The following RBM3 variants were observed in gnomAD, a reference collection of about 807,000 sequenced individuals.
RBM3 encodes RNA-binding protein 3.
Under a neutral mutation model 12.0 loss-of-function variants are expected in RBM3, and 3 were observed. That is an observed-to-expected ratio of 0.25 (90% CI 0.11 to 0.65). RBM3 has a LOEUF of 0.65. RBM3 is among the 30% of genes least tolerant of loss of function. RBM3 has a pLI of 0.84. For missense variants in RBM3, 108 were observed against 134.5 expected (o/e 0.80, Z 0.97); for synonymous variants, 58 against 45.7 (o/e 1.27, Z -1.08).
chrX:48,578,938 A>G lies in RBM3; in HGVS notation c.*1497A>G, dbSNP rs1381173525. 3 of 111,631 alleles carry G rather than the reference A, an allele frequency of 2.7e-5. No homozygotes were observed. Among genetic ancestry groups the G allele is most frequent in the African/African-American group, 9.8e-5 (3 of 30,717 alleles). 9.2% of individuals were successfully genotyped at this position (111,631 alleles called of 1,213,427 possible). On this transcript the variant is annotated 3_prime_UTR_variant, in exon 7 of 7. Coordinates refer to ENST00000376759, the MANE Select transcript of RBM3 (RefSeq NM_006743.5). ...GTAGGGGCTCTTCTACTTCCCAGGT[A>G]TTTGACCTCAGGTGAGTCATTTAAT... is the stretch of plus-strand genomic sequence containing the variant.
intron 5 of RBM3, among the ~76,000 whole-genome samples, 174 bp from the exon 6 acceptor site, chrX:48,576,852 T>C (rs782534952): frequency 8.9e-6 from 1 of 112,411 alleles, no homozygotes; most frequent in Non-Finnish European, 1.9e-5. Flanking sequence ...ATATACTGCG[T>C]ATAAATCGTA....
At position 48,574,993 on chromosome X, in the gene RBM3, C is replaced by T. The variant is rs782460198; in HGVS notation, c.-13-175C>T. The T allele has an allele frequency of 2.7e-4, 122 of 455,719 alleles. 1 individual carries two copies. In the East Asian group the frequency reaches 4.6e-3, roughly 17 times the overall value. The allele number at this position is 455,719 out of a possible 1,213,427, so 37.6% of individuals were successfully genotyped here. Reference sequence around the variant, plus strand: ...CCTAATGGTGGCTGCGCTGAGCCAGCTCCTCAGATTACCACCTTATTGGCC... The same window carrying T: ...CCTAATGGTGGCTGCGCTGAGCCAGTTCCTCAGATTACCACCTTATTGGCC... On this transcript the variant is annotated intron_variant, in intron 1 of 6. Coordinates refer to ENST00000376759, the MANE Select transcript of RBM3 (RefSeq NM_006743.5).
rs181031292 is a variant in RBM3 at position 48,579,390 on chromosome X, C to T, written c.*1949C>T. Among the ~76,000 whole-genome samples, 17 of 112,036 alleles carry T rather than the reference C, an allele frequency of 1.5e-4. No homozygotes were observed. Among genetic ancestry groups the T allele is most frequent in the Non-Finnish European group, 2.4e-4 (13 of 53,168 alleles). Reference sequence around the variant, plus strand: ...TCCTGGAGGCCTGCCTCCTGAGTTTCCCAGCTAGTTGGGACAGGCCCCAAT... The same window carrying T: ...TCCTGGAGGCCTGCCTCCTGAGTTTTCCAGCTAGTTGGGACAGGCCCCAAT... On this transcript the variant is annotated 3_prime_UTR_variant, in exon 7 of 7. Coordinates refer to ENST00000376759, the MANE Select transcript of RBM3 (RefSeq NM_006743.5).
Position 48,577,898 on chromosome X carries a change from T to G in RBM3, c.*457T>G. On this transcript the variant is annotated 3_prime_UTR_variant, in exon 7 of 7. Transcript: ENST00000376759. ...GTGCATCAAGCCAGCCTGACCAACATGGTGAAACCCCATCTGTACTAAACA... is the reference window on the plus strand; with the variant it reads ...GTGCATCAAGCCAGCCTGACCAACAGGGTGAAACCCCATCTGTACTAAACA... 1 of 126,550 alleles carries G rather than the reference T, an allele frequency of 7.9e-6. No individual in the cohort carries two copies. The highest frequency in any genetic ancestry group is 1.6e-5 in the Non-Finnish European group (1 of 62,366). 10.4% of individuals were successfully genotyped at this position (126,550 alleles called of 1,213,427 possible).
rs1335708905 is a variant in RBM3, at chrX:48,576,274, C to G, written c.211-40C>G. On this transcript the variant is annotated intron_variant, in intron 3 of 6. Coordinates refer to ENST00000376759, the MANE Select transcript of RBM3 (RefSeq NM_006743.5). ...TGCTCTTCCCTCACCATTGCCCTGA[C>G]TGACTGCCAACCCATCATCCTTGTG... 7.6e-6 allele frequency: 9 copies of G among 1,188,425 alleles called. No homozygotes were observed. In the Admixed American group the frequency reaches 2.2e-4, roughly 28 times the overall value.
chrX:48,576,785 A>G (rs2062082316), intron 5 of RBM3, among the ~76,000 whole-genome samples, 181 bp downstream of exon 5: 1 of 112,191 alleles, frequency 8.9e-6, no homozygotes, highest in South Asian at 3.6e-4. Flanking sequence ...AGTATACTAT[A>G]TATGTTGTGC....
chrX:48,575,436 T>C (rs2062076102), intron 2 of RBM3, 125 bp from the exon 3 acceptor site: 1 of 798,154 alleles, frequency 1.3e-6, no homozygotes, highest in Admixed American at 3.1e-5. Flanking sequence ...GGGAAGCGTC[T>C]TTGGGATTAG....
intron 1 of RBM3, chrX:48,574,879 AG>A: frequency 2.5e-6 from 1 of 394,602 alleles, no homozygotes; most frequent in South Asian, 2.6e-5. Flanking sequence ...GCCGGCGTTA[AG>A]GGAACGCAGG....
chrX:48,575,535 T>A lies in RBM3; in HGVS notation c.104-26T>A. ...CTTTGGGGTACTGACTGGTCCACAT[T>A]GCTCCATCTTCTCTCCCTCTCACAG... On this transcript the variant is annotated intron_variant, in intron 2 of 6. Coordinates refer to ENST00000376759, the MANE Select transcript of RBM3 (RefSeq NM_006743.5). 3 of 1,172,009 alleles carry A rather than the reference T, an allele frequency of 2.6e-6. No homozygotes were observed. The East Asian group carries it at 9.1e-5, about 36-fold the overall frequency.
chrX:48,575,775 C>A, intron 3 of RBM3, 108 bp downstream of exon 3: 2 of 747,790 alleles, frequency 2.7e-6, no homozygotes, highest in East Asian at 3.4e-5. Context: ...CCAAGCCCCG[C>A]AGTGCCCACT....
At position 48,577,857 on chromosome X, in the gene RBM3, T is replaced by C. The variant is rs782134647; in HGVS notation, c.*416T>C. 1 of 135,872 alleles carries C rather than the reference T, an allele frequency of 7.4e-6. No individual in the cohort carries two copies. The highest frequency in any genetic ancestry group is 2.4e-4 in the East Asian group (1 of 4,168). The allele number at this position is 135,872 out of a possible 1,213,427, so 11.2% of individuals were successfully genotyped here. On this transcript the variant is annotated 3_prime_UTR_variant, in exon 7 of 7. Coordinates refer to ENST00000376759, the MANE Select transcript of RBM3 (RefSeq NM_006743.5). Reference sequence around the variant, plus strand: ...TTGTGGTTAGGAAGCAATTTCCCAATGTACCTATAAGAAATGTGCATCAAG... The same window carrying C: ...TTGTGGTTAGGAAGCAATTTCCCAACGTACCTATAAGAAATGTGCATCAAG...
intron 2 of RBM3, 29 bp from the exon 3 acceptor site, chrX:48,575,525 TGGTCCAC>T: frequency 1.8e-6 from 2 of 1,134,733 alleles, no homozygotes; most frequent in East Asian, 6.1e-5. Flanking sequence ...GGGTACTGAC[TGGTCCAC>T]ATTGCTCCAT....
rs782547608 is a variant in RBM3, at chrX:48,574,512, CCT to C, written c.-74_-73del. The stretch of plus-strand genomic sequence containing the variant: ...AATCGTCTTCCGGCGCAGCCCCGTC[CCT>C]GTTTTTTGTGCTCCTCCGAGCTCGC... On this transcript the variant is annotated 5_prime_UTR_variant, in exon 1 of 7. Transcript: ENST00000376759. The C allele has an allele frequency of 3.3e-4, 108 of 329,934 alleles. No homozygotes were observed. The highest frequency in any genetic ancestry group is 2.3e-3 in the African/African-American group (89 of 37,954). 27.2% of individuals were successfully genotyped at this position (329,934 alleles called of 1,213,427 possible).
chrX:48,575,360 AAAAGTT>A, intron 2 of RBM3, 77 bp downstream of exon 2: 1 of 969,499 alleles, frequency 1.0e-6, no homozygotes, highest in Admixed American at 2.6e-5. Flanking sequence ...GTATTAACTG[AAAAGTT>A]AGGACCCACG....
intron 4 of RBM3, 26 bp downstream of exon 4, chrX:48,576,445 TG>T (rs782664692): frequency 8.3e-7 from 1 of 1,203,558 alleles, no homozygotes; most frequent in Non-Finnish European, 1.1e-6. Context: ...GTTTTGATCA[TG>T]GGGTGAGAGG....
chrX:48,576,032 C>T lies in RBM3; in HGVS notation c.211-282C>T, dbSNP rs782397230. 1.1e-3 allele frequency: 1,127 copies of T among 998,774 alleles called. 1 individual carries two copies. Among genetic ancestry groups the T allele is most frequent in the Non-Finnish European group, 1.4e-3 (1,082 of 751,269 alleles). The allele number at this position is 998,774 out of a possible 1,213,427, so 82.3% of individuals were successfully genotyped here. ...GAGGTGTCTGTCTAGCCCTGATAGT[C>T]GGGCAGCTTAGAGGAGTGGGGAGGA... On this transcript the variant is annotated intron_variant, in intron 3 of 6. Transcript: ENST00000376759.
At chrX:48,576,936 G>A in intron 5 of RBM3, 90 bp from the exon 6 acceptor site, 1 of 1,059,357 alleles carries the variant, frequency 9.4e-7, no homozygotes, top group Non-Finnish European at 1.3e-6. Flanking sequence ...TTTATGTTAT[G>A]ACCCATACTG....
rs2062099721 is a variant in RBM3 at position 48,581,060 on chromosome X, T to C, written c.*3619T>C. On this transcript the variant is annotated 3_prime_UTR_variant, in exon 7 of 7. Transcript: ENST00000376759. ...TTGTATTTACTTAGAGGAAGTGCCC[T>C]GGATCTGGGGGCGGGGGGGGGCGGG... 2.7e-5 allele frequency: 1 copy of C among 37,202 alleles called. No homozygotes were observed. Among genetic ancestry groups the C allele is most frequent in the Non-Finnish European group, 4.3e-5 (1 of 23,392 alleles). The allele number at this position is 37,202 out of a possible 1,213,427, so 3.1% of individuals were successfully genotyped here.
Position 48,577,125 on chromosome X carries a change from C to A in RBM3, c.*23+16C>A. On this transcript the variant is annotated intron_variant, in intron 6 of 6. Coordinates refer to ENST00000376759, the MANE Select transcript of RBM3 (RefSeq NM_006743.5). ...CATAATATAGGTGAGACTTGGATAT[C>A]GGCATTGAGTGAACCTGTTTGTCAC... The A allele has an allele frequency of 8.3e-7, 1 of 1,209,766 alleles. No individual in the cohort carries two copies.
Sources: allele counts gnomAD v4.1 joint callset (sites outside exome capture counted in the v4.1 genomes callset), GRCh38; gene constraint gnomAD v4.1.1; transcripts MANE v1.5; gene names NCBI Gene and HGNC (gene_info 2026-07-23, HGNC 2026-07-21).